The following PLCB4 variants were observed in gnomAD, a reference collection of about 807,000 sequenced individuals.
PLCB4 encodes the protein phospholipase C beta 4.
A neutral mutation model predicts 178.8 loss-of-function variants in PLCB4; 77 were observed. The observed-to-expected ratio is 0.43, with a 90% CI of 0.36 to 0.52. The LOEUF (loss-of-function observed/expected upper bound fraction) is 0.52. Among genes scored for constraint, PLCB4 ranks in the 20% least tolerant of loss-of-function variants. The pLI is 0.00. For missense variants in PLCB4, 1,024 were observed against 1,453.4 expected (o/e 0.70, Z 4.80); for synonymous variants, 496 against 490.8 (o/e 1.01, Z -0.14).
chr20:9,319,706 G>A (rs2206139), intron 4 of PLCB4, among the ~76,000 whole-genome samples: 24,419 of 152,094 alleles, frequency 0.16, 3,059 homozygotes, highest in African/African-American at 0.35. Context: ...ATTTTGTTCA[G>A]TTCAAGCCCT....
At chr20:9,373,002 G>T in intron 11 of PLCB4, 45 bp from the exon 12 acceptor site, 1 of 819,544 alleles carries the variant, frequency 1.2e-6, no homozygotes, top group East Asian at 2.5e-5. Flanking sequence ...ACATACTGTA[G>T]CATCATATAC....
chr20:9,204,652 C>T (rs573769259), intron 2 of PLCB4, among the ~76,000 whole-genome samples: 1 of 151,986 alleles, frequency 6.6e-6, no homozygotes, highest in Non-Finnish European at 1.5e-5. Flanking sequence ...CATGAGCCAC[C>T]GCGCCCGGCC....
At chr20:9,411,279 G>A (rs2039840059) in intron 25 of PLCB4, among the ~76,000 whole-genome samples, 191 bp downstream of exon 25, 1 of 152,134 alleles carries the variant, frequency 6.6e-6, no homozygotes, top group Non-Finnish European at 1.5e-5. Flanking sequence ...TTACTAAGCA[G>A]GTTTTGGGTT....
chr20:9,454,623 C>T (rs1026762782), intron 33 of PLCB4, among the ~76,000 whole-genome samples: 2 of 152,140 alleles, frequency 1.3e-5, no homozygotes, highest in African/African-American at 2.4e-5. Context: ...ACCTAGAAAA[C>T]TAAACTCTGA....
intron 2 of PLCB4, among the ~76,000 whole-genome samples, chr20:9,158,956 TC>T (rs1042873460): frequency 6.6e-6 from 1 of 152,228 alleles, no homozygotes; most frequent in African/African-American, 2.4e-5. Context: ...ACTCTGAGAA[TC>T]ACTTGTCTAA....
chr20:9,244,950 T>C (rs2094109194), intron 3 of PLCB4, among the ~76,000 whole-genome samples: 2 of 152,164 alleles, frequency 1.3e-5, no homozygotes, highest in Admixed American at 1.3e-4. Context: ...TGATCTCAGC[T>C]ATGCTCATGT....
intron 2 of PLCB4, among the ~76,000 whole-genome samples, chr20:9,215,613 A>G (rs1329243816): frequency 6.6e-6 from 1 of 152,146 alleles, no homozygotes; most frequent in African/African-American, 2.4e-5. Context: ...GAGACTTTGG[A>G]GTGAATTGGC....
intron 3 of PLCB4, among the ~76,000 whole-genome samples, chr20:9,283,875 G>A (rs1182812726): frequency 6.6e-6 from 1 of 151,800 alleles, no homozygotes; most frequent in African/African-American, 2.4e-5. Context: ...CCATTTAATT[G>A]TTTTCTATCC....
At chr20:9,155,098 C>G (rs2092765488) in intron 2 of PLCB4, among the ~76,000 whole-genome samples, 2 of 151,488 alleles carry the variant, frequency 1.3e-5, no homozygotes, top group South Asian at 4.2e-4. Context: ...CCCTGGCCCC[C>G]CTCCCACCCT....
At position 9,100,454 on chromosome 20, in the gene PLCB4, A is replaced by G. The variant is rs1041309856; in HGVS notation, c.-79+4112A>G. Among the ~76,000 whole-genome samples, 8 of 152,242 alleles carry G rather than the reference A, an allele frequency of 5.3e-5. No homozygotes were observed. In the East Asian group the frequency reaches 1.5e-3, roughly 29 times the overall value. On this transcript the variant is annotated intron_variant, in intron 2 of 39. Transcript: ENST00000378473. Reference sequence around the variant, plus strand: ...AGTGGCATGACTGCAGCTCACTGTAACCTCAAACTTCATAACAGGAAAATT... The same window carrying G: ...AGTGGCATGACTGCAGCTCACTGTAGCCTCAAACTTCATAACAGGAAAATT...
intron 15 of PLCB4, among the ~76,000 whole-genome samples, chr20:9,388,122 C>T (rs1156686572): frequency 7.2e-5 from 11 of 152,158 alleles, no homozygotes; most frequent in South Asian, 2.1e-4. Context: ...CCTGTAATCT[C>T]AGCTACTCAG....
intron 2 of PLCB4, among the ~76,000 whole-genome samples, chr20:9,105,440 C>A (rs2091326590): frequency 1.3e-5 from 2 of 152,058 alleles, no homozygotes; most frequent in Admixed American, 6.6e-5. Flanking sequence ...ACACTCAGTA[C>A]AATTTCTATC....
At chr20:9,476,593 C>A (rs2044561789) in intron 38 of PLCB4, 124 bp from the exon 39 acceptor site, 1 of 672,644 alleles carries the variant, frequency 1.5e-6, no homozygotes, top group Non-Finnish European at 2.7e-6. Context: ...ATGTTTTATC[C>A]TTAGCTTTTT....
intron 8 of PLCB4, among the ~76,000 whole-genome samples, chr20:9,365,106 C>T (rs528704892): frequency 1.1e-3 from 169 of 152,132 alleles, no homozygotes; most frequent in African/African-American, 3.5e-3. Flanking sequence ...ATGGAGGCAC[C>T]CAGTCATCTC....
intron 8 of PLCB4, among the ~76,000 whole-genome samples, chr20:9,363,912 TC>T (rs2035558428): frequency 6.6e-6 from 1 of 152,216 alleles, no homozygotes; most frequent in African/African-American, 2.4e-5. Flanking sequence ...TATCTTCTGG[TC>T]ATTGTGGCAG....
At chr20:9,186,688 T>C (rs2093333671) in intron 2 of PLCB4, among the ~76,000 whole-genome samples, 3 of 152,116 alleles carry the variant, frequency 2.0e-5, no homozygotes, top group Non-Finnish European at 4.4e-5. Flanking sequence ...TCCAGTGGTG[T>C]GGTCCAGGTC....
intron 2 of PLCB4, among the ~76,000 whole-genome samples, chr20:9,144,656 GA>G (rs2092558203): frequency 6.7e-5 from 9 of 134,926 alleles, no homozygotes; most frequent in Admixed American, 5.3e-4. Flanking sequence ...AGAAGAAGAA[GA>G]AAGAAGGAGG....
chr20:9,195,143 A>G (rs1342102069), intron 2 of PLCB4, among the ~76,000 whole-genome samples: 7 of 152,220 alleles, frequency 4.6e-5, no homozygotes, highest in Non-Finnish European at 1.0e-4. Flanking sequence ...TGCAGTTTGC[A>G]TCAACTTCCT....
In PLCB4 at chr20:9,407,524, C is replaced by T. The variant is rs568017084; in HGVS notation, c.1648-393C>T. Among the ~76,000 whole-genome samples the T allele has an allele frequency of 2.0e-5, 3 of 152,208 alleles. No individual in the cohort carries two copies. The South Asian group carries it at 6.2e-4, about 32-fold the overall frequency. ...AGCTGGAATTACAGGCTCACGCCACCACACCCAGCTAATTTTTGGCATTTT... is the reference window on the plus strand; with the variant it reads ...AGCTGGAATTACAGGCTCACGCCACTACACCCAGCTAATTTTTGGCATTTT... On this transcript the variant is annotated intron_variant, in intron 21 of 39. Coordinates refer to ENST00000378473, the MANE Select transcript of PLCB4 (RefSeq NM_001377142.1).
Sources: allele counts gnomAD v4.1 joint callset (sites outside exome capture counted in the v4.1 genomes callset), GRCh38; gene constraint gnomAD v4.1.1; transcripts MANE v1.5; gene names NCBI Gene and HGNC (gene_info 2026-07-23, HGNC 2026-07-21).